The following ADAMTS17 variants were observed in gnomAD, a reference collection of about 807,000 sequenced individuals.
ADAMTS17 encodes the protein ADAM metallopeptidase with thrombospondin type 1 motif 17.
Under a neutral mutation model 141.5 loss-of-function variants are expected in ADAMTS17, and 113 were observed. The observed-to-expected ratio is 0.80, with a 90% CI of 0.69 to 0.93. The LOEUF (loss-of-function observed/expected upper bound fraction) is 0.93. ADAMTS17 is among the 40% of genes least tolerant of loss of function. The pLI, the probability that ADAMTS17 is intolerant of heterozygous loss-of-function variation, is 0.00. For synonymous variants in ADAMTS17, 768 were observed against 630.6 expected (o/e 1.22, Z -3.27); for missense variants, 1,659 against 1,517.9 (o/e 1.09, Z -1.54).
intron 15 of ADAMTS17, among the ~76,000 whole-genome samples, chr15:100,089,000 C>A (rs201198345): frequency 0.14 from 21,225 of 147,118 alleles, 2,060 homozygotes; most frequent in East Asian, 0.5. Context: ...GGATCTAATT[C>A]AACTGAAGAG....
At chr15:100,062,343 G>A in intron 15 of ADAMTS17, among the ~76,000 whole-genome samples, 1 of 140,178 alleles carries the variant, frequency 7.1e-6, no homozygotes, top group South Asian at 2.2e-4. Flanking sequence ...GCTTGGGACA[G>A]GGGGGGATCC....
At chr15:100,183,961 G>A (rs867861732) in intron 8 of ADAMTS17, among the ~76,000 whole-genome samples, 4 of 152,166 alleles carry the variant, frequency 2.6e-5, no homozygotes, top group South Asian at 2.1e-4. Context: ...GGGTGTCGCT[G>A]AGCCACCTCC....
intron 8 of ADAMTS17, among the ~76,000 whole-genome samples, chr15:100,155,936 C>A (rs1275990086): frequency 6.6e-6 from 1 of 152,218 alleles, no homozygotes; most frequent in Non-Finnish European, 1.5e-5. Context: ...TTAGCTTATA[C>A]ACTTGCCCTC....
At chr15:100,268,635 G>T (rs1055112627) in intron 4 of ADAMTS17, among the ~76,000 whole-genome samples, 1 of 152,124 alleles carries the variant, frequency 6.6e-6, no homozygotes, top group Non-Finnish European at 1.5e-5. Context: ...ACTTTTTAAT[G>T]GGGTTGCTTT....
intron 14 of ADAMTS17, among the ~76,000 whole-genome samples, chr15:100,105,628 G>T (rs1258023640): frequency 6.6e-6 from 1 of 152,194 alleles, no homozygotes; most frequent in Non-Finnish European, 1.5e-5. Flanking sequence ...TCAAGAGGGG[G>T]TAGAGCTCAT....
At chr15:100,220,899 C>A (rs144726038) in intron 7 of ADAMTS17, among the ~76,000 whole-genome samples, 282 of 152,352 alleles carry the variant, frequency 1.9e-3, no homozygotes, top group African/African-American at 6.5e-3. Context: ...ACAACTGAGG[C>A]ATCCATTCAT....
At chr15:100,293,104 G>A (rs1435974120) in intron 3 of ADAMTS17, among the ~76,000 whole-genome samples, 1 of 152,222 alleles carries the variant, frequency 6.6e-6, no homozygotes, top group Non-Finnish European at 1.5e-5. Flanking sequence ...TCCAGAAAGT[G>A]TTCAATCTGT....
At chr15:100,075,369 G>A (rs2034295705) in intron 15 of ADAMTS17, among the ~76,000 whole-genome samples, 1 of 152,076 alleles carries the variant, frequency 6.6e-6, no homozygotes, top group Non-Finnish European at 1.5e-5. Flanking sequence ...ATGGGCTTAT[G>A]GGAATTCCAT....
In ADAMTS17 at chr15:100,289,023, T is replaced by G. The variant is rs533331689; in HGVS notation, c.617-7622A>C. 1.3e-4 allele frequency among the ~76,000 whole-genome samples: 20 copies of G among 151,884 alleles called. No homozygotes were observed. In the South Asian group the frequency reaches 4.2e-3, roughly 32 times the overall value. On this transcript the variant is annotated intron_variant, in intron 3 of 21. Transcript: ENST00000268070. ...AAATCACAGCTGAACTGAATAAAAT[T>G]GAGACATGAAAAACAAAAGATCAAC...
intron 8 of ADAMTS17, among the ~76,000 whole-genome samples, chr15:100,162,139 T>A (rs947214441): frequency 6.6e-6 from 1 of 152,116 alleles, no homozygotes; most frequent in Non-Finnish European, 1.5e-5. Flanking sequence ...CAGGTAAATA[T>A]GGATAACACT....
intron 3 of ADAMTS17, among the ~76,000 whole-genome samples, chr15:100,315,383 C>G (rs970385520): frequency 6.6e-6 from 1 of 152,034 alleles, no homozygotes; most frequent in Non-Finnish European, 1.5e-5. Context: ...CACTGGTGAT[C>G]GGCCGATCTC....
At chr15:100,150,307 C>G (rs899591826) in intron 10 of ADAMTS17, among the ~76,000 whole-genome samples, 3 of 152,156 alleles carry the variant, frequency 2.0e-5, no homozygotes, top group Non-Finnish European at 4.4e-5. Flanking sequence ...ACCACATCCC[C>G]TGCCTCCTCT....
chr15:100,026,128 C>T (rs2727119), intron 18 of ADAMTS17, among the ~76,000 whole-genome samples: 17,118 of 152,214 alleles, frequency 0.11, 2,581 homozygotes, highest in African/African-American at 0.34. Flanking sequence ...TTTGGCGTGT[C>T]CTTCAACTTT....
intron 18 of ADAMTS17, among the ~76,000 whole-genome samples, chr15:100,005,500 C>T (rs886085606): frequency 6.6e-6 from 1 of 152,150 alleles, no homozygotes; most frequent in Non-Finnish European, 1.5e-5. Flanking sequence ...CCTCCATCCT[C>T]AAGACCAGCA....
intron 10 of ADAMTS17, among the ~76,000 whole-genome samples, chr15:100,151,307 G>A (rs2039152489): frequency 6.6e-6 from 1 of 152,206 alleles, no homozygotes; most frequent in Admixed American, 6.5e-5. Context: ...CTGGTTTTAA[G>A]GAGCTGCCCT....
At chr15:99,983,799 C>T (rs1596152919) in intron 20 of ADAMTS17, among the ~76,000 whole-genome samples, 1 of 152,282 alleles carries the variant, frequency 6.6e-6, no homozygotes, top group Middle Eastern at 3.4e-3. Context: ...AGGGGCCAGC[C>T]TGCCTCAGGC....
intron 8 of ADAMTS17, among the ~76,000 whole-genome samples, chr15:100,165,475 T>C (rs759764253): frequency 1.1e-4 from 16 of 152,082 alleles, no homozygotes; most frequent in African/African-American, 3.9e-4. Context: ...CCCAAATGAG[T>C]GGCACCTGCT....
chr15:100,272,574 C>T (rs1437111281), intron 4 of ADAMTS17, among the ~76,000 whole-genome samples: 1 of 72,212 alleles, frequency 1.4e-5, no homozygotes, highest in East Asian at 4.2e-4. Context: ...AGCATTCTCT[C>T]TGTCTCTCTC....
chr15:100,023,224 G>A (rs1355580977), intron 18 of ADAMTS17, among the ~76,000 whole-genome samples: 3 of 150,488 alleles, frequency 2.0e-5, no homozygotes, highest in African/African-American at 4.9e-5. Context: ...TTTTTGAGAC[G>A]GAGTTTCACT....
Sources: gnomAD v4.1 joint callset for allele counts (sites outside exome capture counted in the v4.1 genomes callset) on GRCh38, gnomAD v4.1.1 for gene constraint, MANE v1.5 for transcripts, NCBI Gene and HGNC (gene_info 2026-07-23, HGNC 2026-07-21) for gene names.